INPP4B: variants seen among roughly 807,000 people sequenced by gnomAD.
INPP4B encodes inositol polyphosphate-4-phosphatase type II B.
In INPP4B, 55 loss-of-function variants were observed where a neutral mutation model predicts 122.5. That is an observed-to-expected ratio of 0.45 (90% CI 0.36 to 0.56). The LOEUF is 0.56. INPP4B is among the 20% of genes least tolerant of loss of function. INPP4B has a pLI of 0.00. For synonymous variants in INPP4B, 403 were observed against 388.7 expected (o/e 1.04, Z -0.43); for missense variants, 1,000 against 1,097.7 (o/e 0.91, Z 1.26).
At chr4:142,807,084 A>C (rs1308975126) in intron 1 of INPP4B, among the ~76,000 whole-genome samples, 2 of 152,222 alleles carry the variant, frequency 1.3e-5, no homozygotes, top group East Asian at 3.8e-4. Context: ...GTTTGTAAGC[A>C]TCTAGAAATG....
At chr4:142,730,511 C>T (rs1165403343) in intron 1 of INPP4B, among the ~76,000 whole-genome samples, 1 of 152,202 alleles carries the variant, frequency 6.6e-6, no homozygotes, top group Non-Finnish European at 1.5e-5. Context: ...TCTATTCCTT[C>T]TACTTGTGGT....
At chr4:142,593,624 A>G (rs1348744161) in intron 2 of INPP4B, among the ~76,000 whole-genome samples, 2 of 152,142 alleles carry the variant, frequency 1.3e-5, no homozygotes, top group Non-Finnish European at 2.9e-5. Flanking sequence ...TGGTGCCAGT[A>G]AAACTCCATG....
At chr4:142,070,118 C>A (rs10269390) in intron 25 of INPP4B, among the ~76,000 whole-genome samples, 1 of 152,178 alleles carries the variant, frequency 6.6e-6, no homozygotes, top group African/African-American at 2.4e-5. Context: ...TCCGGCAGCA[C>A]ATCAAAAAGC....
At chr4:142,785,078 G>T (rs1775550233) in intron 1 of INPP4B, among the ~76,000 whole-genome samples, 1 of 152,062 alleles carries the variant, frequency 6.6e-6, no homozygotes, top group Admixed American at 6.6e-5. Flanking sequence ...AGAAGATCAA[G>T]AAGACACAGA....
At chr4:142,662,846 A>G (rs972944228) in intron 2 of INPP4B, among the ~76,000 whole-genome samples, 10 of 152,352 alleles carry the variant, frequency 6.6e-5, no homozygotes, top group African/African-American at 2.4e-4. Flanking sequence ...AATTTGACAT[A>G]TTGGAGTTTT....
chr4:142,352,675 C>G (rs374060329), intron 7 of INPP4B, among the ~76,000 whole-genome samples: 1 of 151,764 alleles, frequency 6.6e-6, no homozygotes, highest in African/African-American at 2.4e-5. Flanking sequence ...AAAACAGAAA[C>G]CCTTCCACCT....
chr4:142,104,264 G>T (rs185989946), intron 23 of INPP4B, among the ~76,000 whole-genome samples: 345 of 152,248 alleles, frequency 2.3e-3, no homozygotes, highest in Non-Finnish European at 3.7e-3. Flanking sequence ...TGTATGAGAC[G>T]CAGTGGTGAC....
intron 23 of INPP4B, among the ~76,000 whole-genome samples, chr4:142,101,481 A>G (rs1051742016): frequency 6.6e-6 from 1 of 152,146 alleles, no homozygotes; most frequent in Non-Finnish European, 1.5e-5. Context: ...CCAACTATAT[A>G]TCAATTTATA....
intron 5 of INPP4B, among the ~76,000 whole-genome samples, chr4:142,408,602 T>C (rs1351549921): frequency 6.6e-6 from 1 of 152,172 alleles, no homozygotes; most frequent in East Asian, 1.9e-4. Context: ...TTACCACTGC[T>C]CATTAACCAA....
At chr4:142,633,531 A>G (rs1374062844) in intron 2 of INPP4B, among the ~76,000 whole-genome samples, 1 of 152,164 alleles carries the variant, frequency 6.6e-6, no homozygotes, top group Non-Finnish European at 1.5e-5. Context: ...ACAAAACAGT[A>G]TGTGTACACA....
intron 2 of INPP4B, chr4:142,583,674 T>A (rs1294567250): frequency 3.3e-5 from 5 of 152,186 alleles, no homozygotes; most frequent in Admixed American, 1.3e-4. Context: ...TGTTTATGTG[T>A]GGATGCACTC....
At chr4:142,760,508 CCA>C (rs1771174226) in intron 1 of INPP4B, among the ~76,000 whole-genome samples, 1 of 152,008 alleles carries the variant, frequency 6.6e-6, no homozygotes, top group Non-Finnish European at 1.5e-5. Flanking sequence ...AAAACCAATT[CCA>C]GAGATGAAAT....
intron 5 of INPP4B, chr4:142,426,850 T>C (rs1264753615): frequency 1.3e-5 from 2 of 151,982 alleles, no homozygotes; most frequent in East Asian, 1.9e-4. Context: ...ATAATTTGAA[T>C]ACTTTGGTTA....
intron 2 of INPP4B, among the ~76,000 whole-genome samples, chr4:142,473,997 G>A (rs1819379375): frequency 6.6e-6 from 1 of 152,024 alleles, no homozygotes; most frequent in Non-Finnish European, 1.5e-5. Context: ...CAGCCTTAAG[G>A]CATAGCTTCC....
At chr4:142,081,700 C>A (rs994180740) in intron 25 of INPP4B, among the ~76,000 whole-genome samples, 2 of 151,916 alleles carry the variant, frequency 1.3e-5, no homozygotes, top group African/African-American at 2.4e-5. Context: ...ATGAGATTTT[C>A]GGGGCCCCTT....
At chr4:142,423,078 T>C (rs1478545763) in intron 5 of INPP4B, among the ~76,000 whole-genome samples, 2 of 151,990 alleles carry the variant, frequency 1.3e-5, no homozygotes, top group Non-Finnish European at 2.9e-5. Flanking sequence ...CCTAAAACCC[T>C]CCATTCTCCC....
intron 7 of INPP4B, among the ~76,000 whole-genome samples, chr4:142,385,489 A>G (rs76500366): frequency 0.01 from 1,591 of 152,274 alleles, 28 homozygotes; most frequent in African/African-American, 0.036. Context: ...GTGATTAGTT[A>G]TAACAACTTG....
intron 10 of INPP4B, among the ~76,000 whole-genome samples, chr4:142,268,816 A>T (rs1744305496): frequency 6.6e-6 from 1 of 152,158 alleles, no homozygotes; most frequent in Non-Finnish European, 1.5e-5. Flanking sequence ...TGGGACCCCA[A>T]ACTCACTATG....
intron 25 of INPP4B, among the ~76,000 whole-genome samples, chr4:142,048,594 G>A (rs1752827889): frequency 1.3e-5 from 2 of 151,906 alleles, no homozygotes; most frequent in East Asian, 1.9e-4. Flanking sequence ...TGAGTTGGAG[G>A]GGGCAGGTAT....
Sources: gnomAD v4.1 joint callset for allele counts (sites outside exome capture counted in the v4.1 genomes callset) on GRCh38, gnomAD v4.1.1 for gene constraint, MANE v1.5 for transcripts, NCBI Gene and HGNC (gene_info 2026-07-23, HGNC 2026-07-21) for gene names.